ZEB1: variants seen among roughly 807,000 people sequenced by gnomAD.
ZEB1 encodes zinc finger E-box binding homeobox 1, also known as zinc finger E-box-binding homeobox 1.
Under a neutral mutation model 84.9 loss-of-function variants are expected in ZEB1, and 21 were observed. That is an observed-to-expected ratio of 0.25 (90% CI 0.18 to 0.36). The LOEUF (loss-of-function observed/expected upper bound fraction) is 0.36, where lower values mean the gene tolerates loss of function less well. Ranked by LOEUF, ZEB1 falls within the 10% of genes least tolerant of loss-of-function variation. The pLI, the probability that ZEB1 is intolerant of heterozygous loss-of-function variation, is 1.00. For synonymous variants in ZEB1, 420 were observed against 471.1 expected (o/e 0.89, Z 1.41); for missense variants, 1,104 against 1,330.2 (o/e 0.83, Z 2.65).
At chr10:31,517,369 AC>A (rs1447707913) in intron 6 of ZEB1, among the ~76,000 whole-genome samples, 1 of 152,032 alleles carries the variant, frequency 6.6e-6, no homozygotes, top group Non-Finnish European at 1.5e-5. Context: ...CCAGACCTCC[AC>A]TCAGATTAGA....
chr10:31,414,550 A>T (rs922432429), intron 1 of ZEB1, among the ~76,000 whole-genome samples: 7 of 152,198 alleles, frequency 4.6e-5, no homozygotes, highest in Admixed American at 2.0e-4. Context: ...CATGCAACTG[A>T]TTATAGTTCT....
chr10:31,403,995 CTA>C (rs1000760399), intron 1 of ZEB1, among the ~76,000 whole-genome samples: 5 of 152,122 alleles, frequency 3.3e-5, no homozygotes, highest in African/African-American at 9.6e-5. Context: ...AAGGAATAAA[CTA>C]TGTACGTGTT....
At chr10:31,443,756 C>T (rs223551) in intron 1 of ZEB1, among the ~76,000 whole-genome samples, 40 of 147,038 alleles carry the variant, frequency 2.7e-4, no homozygotes, top group Non-Finnish European at 4.7e-4. Flanking sequence ...CATTTTTTAT[C>T]GCTGCATAGT....
At position 31,521,064 on chromosome 10, in the gene ZEB1, A is replaced by G. The variant is rs1411548182; in HGVS notation, c.1732A>G (p.Thr578Ala). The G allele has an allele frequency of 1.9e-6, 3 of 1,613,966 alleles. No homozygotes were observed. The highest frequency in any genetic ancestry group is 1.7e-6 in the Non-Finnish European group (2 of 1,180,006). Residue 578 changes from threonine to alanine, a missense_variant, in exon 7 of 9, where the codon ACT becomes GCT. Thr to Ala is a moderately conservative substitution (Grantham distance 58). Transcript: ENST00000424869. Reference protein sequence around the residue: ...EKPESSVSSATGDGNLSPSQP... With the variant: ...EKPESSVSSAAGDGNLSPSQP... Reference sequence around the variant, plus strand: ...GCCTGAGTCCTCTGTTTCATCAGCTACTGGAGATGGCAATTTGTCTCCTAG... The same window carrying G: ...GCCTGAGTCCTCTGTTTCATCAGCTGCTGGAGATGGCAATTTGTCTCCTAG...
chr10:31,514,056 T>A (rs2070615459), intron 5 of ZEB1, among the ~76,000 whole-genome samples: 1 of 151,820 alleles, frequency 6.6e-6, no homozygotes, highest in Non-Finnish European at 1.5e-5. Flanking sequence ...CACATTTGGC[T>A]GAAAAAACTG....
chr10:31,365,615 C>T (rs1016376682), intron 1 of ZEB1, among the ~76,000 whole-genome samples: 1 of 151,630 alleles, frequency 6.6e-6, no homozygotes, highest in African/African-American at 2.4e-5. Flanking sequence ...TTTGATAGTA[C>T]CAGAGGGAAA....
In ZEB1 at chr10:31,502,734, GA is replaced by G. The variant is rs1266353654; in HGVS notation, c.484+228del. ...TTGTGGTAGTAATGCCACTGCACGT[GA>G]AATGCTTAGAACAGTGTCTGGACAT... is the stretch of plus-strand genomic sequence containing the variant. On this transcript the variant is annotated intron_variant, in intron 4 of 8. Transcript: ENST00000424869. Among the ~76,000 whole-genome samples the G allele has an allele frequency of 6.6e-5, 10 of 152,284 alleles. No homozygotes were observed. The South Asian group carries it at 2.1e-3, about 32-fold the overall frequency.
chr10:31,447,072 G>T (rs1375641768), intron 1 of ZEB1, among the ~76,000 whole-genome samples: 4 of 148,640 alleles, frequency 2.7e-5, no homozygotes, highest in African/African-American at 9.8e-5. Flanking sequence ...GGTCACTCAG[G>T]ACTTGCTTTA....
rs747486342 is a variant in ZEB1, at chr10:31,526,910, G to C, written c.3024G>C (p.Ser1008=). 6.2e-7 allele frequency: 1 copy of C among 1,614,122 alleles called. No homozygotes were observed. The highest frequency in any genetic ancestry group is 8.5e-7 in the Non-Finnish European group (1 of 1,180,040). The change falls in exon 9 of 9, where the codon TCG becomes TCC. Residue 1008 remains serine, a synonymous_variant. Coordinates refer to ENST00000424869, the MANE Select transcript of ZEB1 (RefSeq NM_001174096.2). The part of the protein sequence containing the change: ...EQEEAGPEIL[S]NEHVGARASP... ...AAGAGGCAGGGCCTGAAATCCTCTC[G>C]AATGAGCACGTGGGTGCCAGGGCGT...
chr10:31,342,356 A>G (rs1564522930), intron 1 of ZEB1, among the ~76,000 whole-genome samples: 1 of 152,114 alleles, frequency 6.6e-6, no homozygotes, highest in Non-Finnish European at 1.5e-5. Flanking sequence ...AAAATAGAGA[A>G]ATTTTAGGTC....
intron 1 of ZEB1, among the ~76,000 whole-genome samples, chr10:31,379,295 T>G (rs2047217781): frequency 6.6e-6 from 1 of 152,040 alleles, no homozygotes; most frequent in South Asian, 2.1e-4. Flanking sequence ...TGGTTCAGTA[T>G]ACCCCATAAA....
At chr10:31,472,301 A>G (rs1027295442) in intron 2 of ZEB1, among the ~76,000 whole-genome samples, 1 of 140,946 alleles carries the variant, frequency 7.1e-6, no homozygotes, top group Non-Finnish European at 1.5e-5. Flanking sequence ...TCAAGAAAAT[A>G]GATAGACCAC....
chr10:31,410,795 A>G lies in ZEB1; in HGVS notation c.59-50242A>G, dbSNP rs376762841. 4.6e-5 allele frequency among the ~76,000 whole-genome samples: 7 copies of G among 152,052 alleles called. No homozygotes were observed. In the South Asian group the frequency reaches 1.4e-3, roughly 31 times the overall value. On this transcript the variant is annotated intron_variant, in intron 1 of 8. Coordinates refer to ENST00000424869, the MANE Select transcript of ZEB1 (RefSeq NM_001174096.2). Reference sequence around the variant, plus strand: ...TAGATTTTCTAGTTTATTTGCATAGAGGTGTTTATAGTATTCTCTGATGGT... The same window carrying G: ...TAGATTTTCTAGTTTATTTGCATAGGGGTGTTTATAGTATTCTCTGATGGT...
chr10:31,527,412 AACACACACACACAC>A lies in ZEB1; in HGVS notation c.*176_*189del, dbSNP rs3086583. On this transcript the variant is annotated 3_prime_UTR_variant, in exon 9 of 9. Coordinates refer to ENST00000424869, the MANE Select transcript of ZEB1 (RefSeq NM_001174096.2). ...AAAACTAAAAAAATACAAAATACAA[AACACACACACACAC>A]ACACACACACACACACACACACACA... is the stretch of plus-strand genomic sequence containing the variant. 5.5e-4 allele frequency: 284 copies of A among 515,734 alleles called. No individual in the cohort carries two copies. The highest frequency in any genetic ancestry group is 7.7e-4 in the Non-Finnish European group (231 of 301,806). The allele number at this position is 515,734 out of a possible 1,614,324, so 31.9% of individuals were successfully genotyped here.
At chr10:31,378,099 G>T (rs1049887352) in intron 1 of ZEB1, among the ~76,000 whole-genome samples, 1 of 149,914 alleles carries the variant, frequency 6.7e-6, no homozygotes, top group Non-Finnish European at 1.5e-5. Context: ...ATAATATATG[G>T]ATAATACATA....
At chr10:31,499,477 C>T (rs1165811768) in intron 3 of ZEB1, among the ~76,000 whole-genome samples, 2 of 152,050 alleles carry the variant, frequency 1.3e-5, no homozygotes, top group Non-Finnish European at 2.9e-5. Context: ...CACCAGCCAG[C>T]CAAGTCAGAC....
intron 1 of ZEB1, among the ~76,000 whole-genome samples, chr10:31,384,200 T>A (rs146296423): frequency 0.01 from 1,597 of 152,126 alleles, 27 homozygotes; most frequent in African/African-American, 0.037. Context: ...GGTCTGGAGT[T>A]CCTGAGCTCA....
At chr10:31,364,449 A>G (rs2044055542) in intron 1 of ZEB1, among the ~76,000 whole-genome samples, 1 of 152,106 alleles carries the variant, frequency 6.6e-6, no homozygotes, top group African/African-American at 2.4e-5. Context: ...CCTGTCCCCC[A>G]GGTTACAGGG....
At chr10:31,409,788 T>C (rs1314858095) in intron 1 of ZEB1, among the ~76,000 whole-genome samples, 1 of 152,198 alleles carries the variant, frequency 6.6e-6, no homozygotes, top group Non-Finnish European at 1.5e-5. Flanking sequence ...AAATGGGAGT[T>C]CACTCATGAT....
Sources: gnomAD v4.1 joint callset for allele counts (sites outside exome capture counted in the v4.1 genomes callset) on GRCh38, gnomAD v4.1.1 for gene constraint, MANE v1.5 for transcripts, NCBI Gene and HGNC (gene_info 2026-07-23, HGNC 2026-07-21) for gene names.